Variants in DNAH3 observed in about 807,000 individuals in gnomAD.
DNAH3 encodes dynein axonemal heavy chain 3.
DNAH3 carries 332 observed loss-of-function variants against 432.5 expected under a neutral mutation model. The observed-to-expected ratio is 0.77, with a 90% CI of 0.70 to 0.84. The LOEUF (loss-of-function observed/expected upper bound fraction) is 0.84, where lower values mean the gene tolerates loss of function less well. Among genes scored for constraint, DNAH3 ranks in the 40% least tolerant of loss-of-function variants. DNAH3 has a pLI of 0.00. For synonymous variants in DNAH3, 1,956 were observed against 1,900.2 expected (o/e 1.03, Z -0.76); for missense variants, 4,861 against 5,114.0 (o/e 0.95, Z 1.51).
At chr16:21,095,257 G>A (rs147693439) in intron 18 of DNAH3, among the ~76,000 whole-genome samples, 11 of 152,256 alleles carry the variant, frequency 7.2e-5, no homozygotes, top group African/African-American at 2.2e-4. Context: ...ACACAAAAAC[G>A]TTGACATAAA....
chr16:21,159,350 C>T (rs760594114), exon 1 of DNAH3: 1 of 1,614,172 alleles, frequency 6.2e-7, no homozygotes, highest in Non-Finnish European at 8.5e-7. Flanking sequence ...TTCCTCCTCT[C>T]CTTGGGTCTC....
Position 21,035,700 on chromosome 16 carries a change from T to TA in DNAH3, c.5085+1013dup, listed in dbSNP as rs1161505503. Reference sequence around the variant, plus strand: ...TTGAAAATTAAAGTTCATGCCTAGTTAAAGAATGGTCCTTCTGCAAAATCT... The same window carrying TA: ...TTGAAAATTAAAGTTCATGCCTAGTTAAAAGAATGGTCCTTCTGCAAAATCT... On this transcript the variant is annotated intron_variant, in intron 35 of 61. Coordinates refer to ENST00000261383, the Ensembl canonical transcript of DNAH3. 2.6e-5 allele frequency among the ~76,000 whole-genome samples: 4 copies of TA among 152,360 alleles called. No individual in the cohort carries two copies. The East Asian group carries it at 7.7e-4, about 29-fold the overall frequency.
At chr16:20,985,704 G>C (rs773651989) in exon 48 of DNAH3, 1 of 1,613,362 alleles carries the variant, frequency 6.2e-7, no homozygotes, top group Non-Finnish European at 8.5e-7. Flanking sequence ...TGGGTGACAA[G>C]TGGATAAGCA....
intron 23 of DNAH3, among the ~76,000 whole-genome samples, chr16:21,068,541 C>T (rs2090661511): frequency 6.6e-6 from 1 of 152,146 alleles, no homozygotes; most frequent in Non-Finnish European, 1.5e-5. Context: ...TCTCCAACTC[C>T]TGAACTCAAG....
chr16:21,088,120 G>A (rs2091432902), intron 18 of DNAH3, among the ~76,000 whole-genome samples: 1 of 151,920 alleles, frequency 6.6e-6, no homozygotes, highest in Admixed American at 6.6e-5. Flanking sequence ...ACTTCTTCAG[G>A]AGTGCTGAAA....
intron 58 of DNAH3, among the ~76,000 whole-genome samples, chr16:20,941,800 G>A (rs563669642): frequency 4.3e-4 from 66 of 152,174 alleles, no homozygotes; most frequent in Non-Finnish European, 8.5e-4. Flanking sequence ...GCTCACGCCT[G>A]TAATCCCAGC....
chr16:21,034,184 A>T, intron 35 of DNAH3, 99 bp from the exon 36 acceptor site: 1 of 740,066 alleles, frequency 1.4e-6, no homozygotes, highest in Admixed American at 2.5e-5. Flanking sequence ...TCAGAAGAGG[A>T]TTCTCACAGT....
At chr16:21,050,955 A>C (rs2089929604) in intron 29 of DNAH3, among the ~76,000 whole-genome samples, 1 of 152,088 alleles carries the variant, frequency 6.6e-6, no homozygotes, top group African/African-American at 2.4e-5. Flanking sequence ...CCGACCCCCC[A>C]GTTAGATTTA....
At chr16:21,142,885 G>T (rs989738974) in intron 3 of DNAH3, among the ~76,000 whole-genome samples, 1 of 151,814 alleles carries the variant, frequency 6.6e-6, no homozygotes, top group Non-Finnish European at 1.5e-5. Context: ...AACTCCTGGG[G>T]GCAAGCAACC....
intron 11 of DNAH3, among the ~76,000 whole-genome samples, chr16:21,119,424 G>A (rs991256613): frequency 2.0e-5 from 3 of 151,766 alleles, no homozygotes; most frequent in African/African-American, 4.8e-5. Context: ...TTGAGCTCAC[G>A]AGTTCAAGAC....
In DNAH3 at chr16:21,136,346, G is replaced by C. The variant is rs1486552435; in HGVS notation, c.864C>G (p.Tyr288Ter). The C allele has an allele frequency of 2.5e-6, 4 of 1,613,962 alleles. No individual in the cohort carries two copies. The highest frequency in any genetic ancestry group is 3.4e-6 in the Non-Finnish European group (4 of 1,179,876). The stretch of plus-strand genomic sequence containing the variant: ...TACCGATGCTTTTCATGAGGCTACA[G>C]TAATAGTCATTCTCCTTCTCCTGCA... The change falls in exon 6 of 62, where the codon TAC (tyrosine) becomes TAG (stop). Residue 288 changes from tyrosine to a stop codon, truncating the protein, a stop_gained. Coordinates refer to ENST00000261383, the Ensembl canonical transcript of DNAH3. LOFTEE classifies it high-confidence loss of function.
rs200912132 is a variant in DNAH3 at position 21,005,157 on chromosome 16, TTTTC to T, written c.6023-1954_6023-1951del. On this transcript the variant is annotated intron_variant, in intron 41 of 61. Coordinates refer to ENST00000261383, the Ensembl canonical transcript of DNAH3. ...TTCTCTTCTTTCTCTCGTCTCTTTC[TTTTC>T]TTTCTTTCTTTTTCTTTTTCTTTCT... Among the ~76,000 whole-genome samples, 625 of 139,416 alleles carry T rather than the reference TTTTC, an allele frequency of 4.5e-3. 3 individuals are homozygous for T. The highest frequency in any genetic ancestry group is 0.016 in the African/African-American group (511 of 32,612). The allele number at this position is 139,416 out of a possible 152,430, so 91.5% of individuals were successfully genotyped here. A position where few individuals can be genotyped will look rare whatever the true frequency, so the allele number is the denominator to read the frequency against.
chr16:21,139,412 C>T (rs1052260703), intron 5 of DNAH3, among the ~76,000 whole-genome samples: 2 of 129,234 alleles, frequency 1.5e-5, no homozygotes, highest in African/African-American at 6.0e-5. Context: ...AGCTGGGATG[C>T]CTGAGGTGTC....
At chr16:21,119,540 G>A (rs890040848) in intron 11 of DNAH3, among the ~76,000 whole-genome samples, 2 of 151,896 alleles carry the variant, frequency 1.3e-5, no homozygotes, top group African/African-American at 4.8e-5. Context: ...TGAGATGGGA[G>A]GATGGCTTGA....
At chr16:20,944,755 C>CA in intron 57 of DNAH3, 92 bp from the exon 58 acceptor site, 1 of 1,194,156 alleles carries the variant, frequency 8.4e-7, no homozygotes. Flanking sequence ...GAACAGGAAT[C>CA]ATACTGTATC....
intron 10 of DNAH3, 40 bp downstream of exon 11, chr16:21,121,905 G>A (rs375335097): frequency 6.5e-7 from 1 of 1,540,256 alleles, no homozygotes. Flanking sequence ...TTCACTAAGT[G>A]AAAAAATCAT....
At chr16:21,153,803 G>A (rs2092880050) in intron 1 of DNAH3, among the ~76,000 whole-genome samples, 1 of 152,188 alleles carries the variant, frequency 6.6e-6, no homozygotes, top group African/African-American at 2.4e-5. Flanking sequence ...AAGTCAGTGA[G>A]ACCAAGAACC....
Position 20,949,240 on chromosome 16 carries a change from T to C in DNAH3, c.11189-603A>G, listed in dbSNP as rs138766037. Among the ~76,000 whole-genome samples the C allele has an allele frequency of 4.1e-3, 459 of 110,630 alleles. 2 individuals are homozygous for C. Among genetic ancestry groups the C allele is most frequent in the Middle Eastern group, 0.017 (2 of 120 alleles). The allele number at this position is 110,630 out of a possible 152,430, so 72.6% of individuals were successfully genotyped here. A position where few individuals can be genotyped will look rare whatever the true frequency, so the allele number is the denominator to read the frequency against. On this transcript the variant is annotated intron_variant, in intron 56 of 61. Coordinates refer to ENST00000261383, the Ensembl canonical transcript of DNAH3. ...TACAAGAGTACTGTAAACCTTCCTCTGGGTGACAGAGGGAGACTGTCTCAA... is the reference window on the plus strand; with the variant it reads ...TACAAGAGTACTGTAAACCTTCCTCCGGGTGACAGAGGGAGACTGTCTCAA...
intron 47 of DNAH3, 116 bp downstream of exon 47, chr16:20,987,189 G>T: frequency 1.6e-6 from 2 of 1,277,064 alleles, no homozygotes; most frequent in Non-Finnish European, 2.2e-6. Context: ...TGTTTCCCGA[G>T]ATTCAGAGTG....
Sources: allele counts gnomAD v4.1 joint callset (sites outside exome capture counted in the v4.1 genomes callset), GRCh38; gene constraint gnomAD v4.1.1; transcripts MANE v1.5; gene names NCBI Gene and HGNC (gene_info 2026-07-23, HGNC 2026-07-21).